SP2: variants seen among roughly 807,000 people sequenced by gnomAD.
The protein encoded by SP2 is transcription factor Sp2.
A neutral mutation model predicts 50.1 loss-of-function variants in SP2; 9 were observed. The ratio of observed to expected loss-of-function variants is 0.18; its 90% confidence interval spans 0.11 to 0.31. SP2 has a LOEUF of 0.31. Among genes scored for constraint, SP2 ranks in the 10% least tolerant of loss-of-function variants. SP2 has a pLI of 1.00. For synonymous variants in SP2, 313 were observed against 326.6 expected, an observed-to-expected ratio of 0.96 and a Z score of 0.45; for missense variants, 581 against 806.5, an observed-to-expected ratio of 0.72 and a Z score of 3.39.
chr17:47,909,970 C>A (rs181122870), intron 1 of SP2, among the ~76,000 whole-genome samples: 207 of 152,324 alleles, frequency 1.4e-3, no homozygotes, highest in Middle Eastern at 6.8e-3. Flanking sequence ...GCTTCAGCCT[C>A]CCAAGTAGCT....
chr17:47,902,456 G>A (rs144385799), intron 1 of SP2, among the ~76,000 whole-genome samples: 2 of 152,264 alleles, frequency 1.3e-5, no homozygotes, highest in African/African-American at 2.4e-5. Flanking sequence ...AGACTGATGG[G>A]GTCAAGGTCA....
At position 47,923,072 on chromosome 17, in the gene SP2, T is replaced by G. The variant is rs2035522272; in HGVS notation, c.1170T>G (p.Arg390=). ...CCACCTGTAGCAGCCCTGCATCCCG[T>G]GCTCCCCATCTGAGTGGGACCAGCA... The part of the protein sequence containing the change: ...SNTTCSSPAS[R]APHLSGTSKK... Residue 390 remains arginine (R), a synonymous_variant, in exon 4 of 7, where the codon CGT becomes CGG. Transcript: ENST00000376741. The G allele has an allele frequency of 1.2e-6, 2 of 1,614,104 alleles. No homozygotes were observed. Among genetic ancestry groups the G allele is most frequent in the Non-Finnish European group, 1.7e-6 (2 of 1,180,042 alleles).
chr17:47,911,438 G>C (rs561579821), intron 1 of SP2, among the ~76,000 whole-genome samples: 1 of 151,208 alleles, frequency 6.6e-6, no homozygotes, highest in African/African-American at 2.4e-5. Context: ...CCAGCTACTT[G>C]GGAGGCAGAG....
At chr17:47,914,575 A>G (rs2035115563) in intron 1 of SP2, among the ~76,000 whole-genome samples, 2 of 152,254 alleles carry the variant, frequency 1.3e-5, no homozygotes, top group Admixed American at 1.3e-4. Context: ...CTTGAGTTTG[A>G]GCTAGAGGAT....
intron 3 of SP2, among the ~76,000 whole-genome samples, chr17:47,919,471 C>T (rs762451970): frequency 5.3e-5 from 8 of 152,032 alleles, no homozygotes; most frequent in Middle Eastern, 6.8e-3. Flanking sequence ...TGAGAAGAAG[C>T]ACAGTCATAA....
intron 1 of SP2, chr17:47,899,952 A>G (rs1250876615): frequency 6.6e-6 from 1 of 152,300 alleles, no homozygotes; most frequent in Non-Finnish European, 1.5e-5. Flanking sequence ...AACTGTTGGA[A>G]TCCTTCATTG....
At chr17:47,911,680 T>C (rs9899097) in intron 1 of SP2, among the ~76,000 whole-genome samples, 51,464 of 151,348 alleles carry the variant, frequency 0.34, 8,882 homozygotes, top group East Asian at 0.52. Context: ...GTGGCGGGCA[T>C]CTGTAGTCCC....
chr17:47,912,404 A>G (rs2035026915), intron 1 of SP2, among the ~76,000 whole-genome samples: 1 of 150,590 alleles, frequency 6.6e-6, no homozygotes, highest in Non-Finnish European at 1.5e-5. Flanking sequence ...CTTTCTTACC[A>G]GCTCATCACC....
Position 47,925,539 on chromosome 17 carries a change from C to T in SP2, c.1739C>T (p.Thr580Ile). 2 of 1,611,770 alleles carry T rather than the reference C, an allele frequency of 1.2e-6. No individual in the cohort carries two copies. Among genetic ancestry groups the T allele is most frequent in the Non-Finnish European group, 1.7e-6 (2 of 1,178,364 alleles). The change falls in exon 6 of 7, where the codon ACA (threonine) becomes ATA (isoleucine). Residue 580 changes from threonine to isoleucine, a missense_variant and splice_region_variant. Transcript: ENST00000376741. ...DELQRHARTH[T>I]GDKRFECAQC... Reference sequence around the variant, plus strand: ...CTCCAACGGCATGCTCGCACCCACACAGGTCAGCCCCCTGCCTTCGGGACC... The same window carrying T: ...CTCCAACGGCATGCTCGCACCCACATAGGTCAGCCCCCTGCCTTCGGGACC...
At chr17:47,927,698 G>A (rs750599512) in intron 6 of SP2, 26 bp from the exon 7 acceptor site, 1 of 1,504,870 alleles carries the variant, frequency 6.6e-7, no homozygotes, top group African/African-American at 1.4e-5. Context: ...CAGGGTCTGT[G>A]GGTGATGGGC....
At chr17:47,906,135 G>A (rs950642890) in intron 1 of SP2, among the ~76,000 whole-genome samples, 1 of 152,210 alleles carries the variant, frequency 6.6e-6, no homozygotes, top group Non-Finnish European at 1.5e-5. Flanking sequence ...CTAAGGGGGA[G>A]GCCAGAGGCC....
chr17:47,905,913 G>A (rs2034741823), intron 1 of SP2, among the ~76,000 whole-genome samples: 1 of 152,204 alleles, frequency 6.6e-6, no homozygotes, highest in African/African-American at 2.4e-5. Context: ...AGGGTGGCGT[G>A]TTTTAATTCC....
chr17:47,907,188 C>T (rs561486039), intron 1 of SP2, among the ~76,000 whole-genome samples: 16 of 151,858 alleles, frequency 1.1e-4, no homozygotes, highest in South Asian at 2.1e-4. Flanking sequence ...AGGGAGGGGA[C>T]GGCAGGGTGC....
In SP2 at chr17:47,923,163, A is replaced by C. The variant is rs765520580; in HGVS notation, c.1261A>C (p.Ile421Leu). The C allele has an allele frequency of 6.2e-7, 1 of 1,614,242 alleles. No homozygotes were observed. Among genetic ancestry groups the C allele is most frequent in the South Asian group, 1.1e-5 (1 of 91,090 alleles). The change falls in exon 4 of 7, where the codon ATC (isoleucine) becomes CTC (leucine). Residue 421 changes from isoleucine (I) to leucine (L), a missense_variant. This residue lies in a region of SP2 where 184 missense variants were observed against 315.5 expected (regional missense o/e 0.58). Coordinates refer to ENST00000376741, the MANE Select transcript of SP2 (RefSeq NM_003110.6). The part of the protein sequence containing the change: ...PLPKIAPAGS[I>L]ISLNAAQLAA... The stretch of plus-strand genomic sequence containing the variant: ...GCCAAAGATTGCCCCAGCCGGGAGC[A>C]TCATCAGCCTGAATGCAGCCCAGTT...
rs117940541 is a variant in SP2 at position 47,922,713 on chromosome 17, G to A, written c.1060-249G>A. On this transcript the variant is annotated intron_variant, in intron 3 of 6. Coordinates refer to ENST00000376741, the MANE Select transcript of SP2 (RefSeq NM_003110.6). ...TCTAAATCTCCAATTCTGATTCTTG[G>A]CAATTACTTTTTCCATGCTAAGTAA... 3.1e-3 allele frequency among the ~76,000 whole-genome samples: 465 copies of A among 152,190 alleles called. 1 individual carries two copies. The highest frequency in any genetic ancestry group is 4.8e-3 in the Non-Finnish European group (324 of 68,012).
At chr17:47,905,787 T>C (rs768128465) in intron 1 of SP2, among the ~76,000 whole-genome samples, 1 of 152,030 alleles carries the variant, frequency 6.6e-6, no homozygotes, top group Non-Finnish European at 1.5e-5. Context: ...TGCCCCAGAT[T>C]TGAGGTGGGA....
intron 1 of SP2, among the ~76,000 whole-genome samples, chr17:47,901,057 G>C (rs1343602725): frequency 6.6e-6 from 1 of 152,076 alleles, no homozygotes; most frequent in African/African-American, 2.4e-5. Flanking sequence ...ACGCAGTCAG[G>C]ATGCAAACTA....
intron 1 of SP2, among the ~76,000 whole-genome samples, chr17:47,905,813 C>T (rs1405835422): frequency 1.3e-5 from 2 of 152,168 alleles, no homozygotes; most frequent in East Asian, 3.8e-4. Context: ...TCAGGAAAGG[C>T]TTTCGCTGAG....
At chr17:47,906,359 G>A (rs1213805347) in intron 1 of SP2, among the ~76,000 whole-genome samples, 1 of 152,212 alleles carries the variant, frequency 6.6e-6, no homozygotes, top group Non-Finnish European at 1.5e-5. Context: ...CAGCCCATAG[G>A]CACTGAAGGT....
Sources: gnomAD v4.1 joint callset for allele counts (sites outside exome capture counted in the v4.1 genomes callset) on GRCh38, gnomAD v4.1.1 for gene constraint, gnomAD v4.1.1 regional missense constraint, MANE v1.5 for transcripts, NCBI Gene and HGNC (gene_info 2026-07-23, HGNC 2026-07-21) for gene names.